Variants in PLPP4 observed in about 807,000 individuals in gnomAD.
PLPP4 encodes diacylglycerol pyrophosphate like 2.
A neutral mutation model predicts 32.2 loss-of-function variants in PLPP4; 20 were observed. That is an observed-to-expected ratio of 0.62 (90% CI 0.44 to 0.90). PLPP4 has a LOEUF of 0.90. PLPP4 is among the 40% of genes least tolerant of loss of function. The pLI is 0.00. For synonymous variants in PLPP4, 127 were observed against 133.0 expected, an observed-to-expected ratio of 0.95 and a Z score of 0.31; for missense variants, 257 against 353.1, an observed-to-expected ratio of 0.73 and a Z score of 2.18.
At chr10:120,555,940 T>C (rs1327951574) in intron 5 of PLPP4, among the ~76,000 whole-genome samples, 1 of 152,164 alleles carries the variant, frequency 6.6e-6, no homozygotes, top group Non-Finnish European at 1.5e-5. Context: ...AAATTATAGG[T>C]GTGCTCACTC....
At chr10:120,555,178 T>C in intron 5 of PLPP4, among the ~76,000 whole-genome samples, 1 of 151,978 alleles carries the variant, frequency 6.6e-6, no homozygotes, top group East Asian at 1.9e-4. Context: ...CATAGCAAAA[T>C]ACTTACTTTT....
intron 1 of PLPP4, among the ~76,000 whole-genome samples, chr10:120,476,300 C>CT (rs199884645): frequency 3.3e-5 from 5 of 152,042 alleles, no homozygotes; most frequent in Non-Finnish European, 4.4e-5. Context: ...TGCTTCTTCT[C>CT]TTTTTTTTGT....
intron 5 of PLPP4, among the ~76,000 whole-genome samples, chr10:120,538,042 CTCTCTCTCTCTGTG>C (rs1847135739): frequency 2.5e-5 from 1 of 39,434 alleles, no homozygotes; most frequent in African/African-American, 9.2e-5. Context: ...CTCTCTCTCT[CTCTCTCTCTCTGTG>C]TGTGTGTGTG....
intron 5 of PLPP4, among the ~76,000 whole-genome samples, chr10:120,538,052 C>CTCTGTGTGTGTGTGTGTGTGTGTGTG (rs1847142984): frequency 5.3e-5 from 1 of 18,982 alleles, no homozygotes; most frequent in Non-Finnish European, 9.5e-5. Flanking sequence ...CTCTCTCTCT[C>CTCTGTGTGTGTGTGTGTGTGTGTGTG]TGTGTGTGTG....
intron 1 of PLPP4, among the ~76,000 whole-genome samples, chr10:120,499,448 T>G (rs1589770630): frequency 6.6e-6 from 1 of 152,074 alleles, no homozygotes; most frequent in East Asian, 1.9e-4. Flanking sequence ...CAATTACTTT[T>G]GCACCAATGT....
At chr10:120,550,706 A>G (rs11199395) in intron 5 of PLPP4, among the ~76,000 whole-genome samples, 6,674 of 152,050 alleles carry the variant, frequency 0.044, 245 homozygotes, top group South Asian at 0.2. Flanking sequence ...AAAGTGTGGG[A>G]AAAAAGTAAG....
chr10:120,557,160 G>T (rs1848199878), intron 5 of PLPP4, among the ~76,000 whole-genome samples: 1 of 152,154 alleles, frequency 6.6e-6, no homozygotes, highest in Admixed American at 6.5e-5. Context: ...TCAGGTGTGT[G>T]TTGTAATGAA....
At chr10:120,515,476 T>A (rs540367642) in intron 3 of PLPP4, among the ~76,000 whole-genome samples, 1 of 152,322 alleles carries the variant, frequency 6.6e-6, no homozygotes, top group East Asian at 1.9e-4. Flanking sequence ...TCACTGTGTT[T>A]CTTGGTCCAG....
At chr10:120,584,884 A>G (rs776704977) in intron 6 of PLPP4, among the ~76,000 whole-genome samples, 2 of 152,162 alleles carry the variant, frequency 1.3e-5, no homozygotes, top group Non-Finnish European at 2.9e-5. Flanking sequence ...CACTCATTCC[A>G]TTAAATGGGA....
intron 5 of PLPP4, among the ~76,000 whole-genome samples, chr10:120,570,225 G>A (rs1848870615): frequency 6.6e-6 from 1 of 151,916 alleles, no homozygotes; most frequent in African/African-American, 2.4e-5. Context: ...TGCTGATGAG[G>A]GTGGGCAGGC....
At chr10:120,557,375 T>G (rs936372002) in intron 5 of PLPP4, among the ~76,000 whole-genome samples, 1 of 152,238 alleles carries the variant, frequency 6.6e-6, no homozygotes, top group Non-Finnish European at 1.5e-5. Flanking sequence ...GTTTTCAGAA[T>G]TCTCAGTGGC....
At chr10:120,470,353 C>T (rs1048248823) in intron 1 of PLPP4, among the ~76,000 whole-genome samples, 1 of 152,148 alleles carries the variant, frequency 6.6e-6, no homozygotes, top group Non-Finnish European at 1.5e-5. Context: ...TCTTCTCTTT[C>T]ATGTATTGCA....
chr10:120,503,958 T>G (rs1464358851), intron 2 of PLPP4, 32 bp downstream of exon 2: 1 of 1,423,182 alleles, frequency 7.0e-7, no homozygotes, highest in Non-Finnish European at 9.9e-7. Context: ...CTTATTTGAC[T>G]GCTCTCTCAA....
intron 5 of PLPP4, among the ~76,000 whole-genome samples, chr10:120,533,783 T>A (rs566470695): frequency 3.5e-4 from 54 of 152,260 alleles, no homozygotes; most frequent in African/African-American, 1.1e-3. Flanking sequence ...TAGAATTTGT[T>A]ATATTTACCT....
intron 5 of PLPP4, among the ~76,000 whole-genome samples, chr10:120,532,742 G>A (rs1016285183): frequency 1.2e-4 from 19 of 152,052 alleles, no homozygotes; most frequent in Admixed American, 5.9e-4. Context: ...ATAGTCATTC[G>A]TGACTGATTT....
rs1456450393 is a variant in PLPP4, at chr10:120,499,645, G to A, written c.57-4173G>A. Among the ~76,000 whole-genome samples the A allele has an allele frequency of 5.3e-5, 8 of 152,220 alleles. No individual in the cohort carries two copies. The South Asian group carries it at 6.2e-4, about 12-fold the overall frequency. On this transcript the variant is annotated intron_variant, in intron 1 of 6. Coordinates refer to ENST00000398250, the MANE Select transcript of PLPP4 (RefSeq NM_001030059.3). The stretch of plus-strand genomic sequence containing the variant: ...AAGGTTTGATCTACAGATCGGCAGC[G>A]TGGGCCCCCCAGGAAGCTTGCTGGA...
intron 1 of PLPP4, among the ~76,000 whole-genome samples, chr10:120,477,273 G>C (rs1843976698): frequency 6.8e-6 from 1 of 146,414 alleles, no homozygotes; most frequent in Non-Finnish European, 1.5e-5. Context: ...CTTCTCTACT[G>C]CTATGTCAGC....
At chr10:120,506,636 G>T (rs1022505372) in intron 2 of PLPP4, among the ~76,000 whole-genome samples, 4 of 152,154 alleles carry the variant, frequency 2.6e-5, no homozygotes, top group Non-Finnish European at 5.9e-5. Context: ...TCTTTTATTG[G>T]ATAATGAATG....
chr10:120,480,615 A>G (rs982874157), intron 1 of PLPP4, among the ~76,000 whole-genome samples: 1 of 152,220 alleles, frequency 6.6e-6, no homozygotes. Context: ...GCAGCCACCA[A>G]TGACGGGAGA....
Sources: gnomAD v4.1 joint callset for allele counts (sites outside exome capture counted in the v4.1 genomes callset) on GRCh38, gnomAD v4.1.1 for gene constraint, MANE v1.5 for transcripts, NCBI Gene and HGNC (gene_info 2026-07-23, HGNC 2026-07-21) for gene names.